Variants in ADGRG7 observed in about 807,000 individuals in gnomAD.
ADGRG7 encodes the protein adhesion G protein-coupled receptor G7, also known as G-protein coupled receptor 128.
A neutral mutation model predicts 88.6 loss-of-function variants in ADGRG7; 82 were observed. The observed-to-expected ratio is 0.93, with a 90% CI of 0.77 to 1.11. ADGRG7 has a LOEUF of 1.11. Among genes scored for constraint, ADGRG7 ranks in the 50% most tolerant of loss-of-function variants. ADGRG7 has a pLI of 0.00. For missense variants in ADGRG7, 945 were observed against 953.4 expected, an observed-to-expected ratio of 0.99 and a Z score of 0.12; for synonymous variants, 381 against 345.2, an observed-to-expected ratio of 1.10 and a Z score of -1.15.
chr3:100,664,852 A>T (rs143384523), intron 14 of ADGRG7, among the ~76,000 whole-genome samples: 368 of 152,330 alleles, frequency 2.4e-3, no homozygotes, highest in Non-Finnish European at 4.7e-3. Context: ...TTACCAATAT[A>T]AGGAAACACT....
At chr3:100,610,820 C>A (rs1400570898) in intron 1 of ADGRG7, among the ~76,000 whole-genome samples, 1 of 152,164 alleles carries the variant, frequency 6.6e-6, no homozygotes, top group African/African-American at 2.4e-5. Context: ...TCGGGAAAGG[C>A]AGCAGGAGAG....
At chr3:100,691,869 C>A (rs1256151180) in intron 15 of ADGRG7, among the ~76,000 whole-genome samples, 1 of 152,056 alleles carries the variant, frequency 6.6e-6, no homozygotes, top group African/African-American at 2.4e-5. Context: ...TTCTCATCTC[C>A]TCAACTAGAA....
intron 11 of ADGRG7, among the ~76,000 whole-genome samples, chr3:100,650,897 G>C (rs2094928328): frequency 6.6e-6 from 1 of 152,132 alleles, no homozygotes; most frequent in Non-Finnish European, 1.5e-5. Flanking sequence ...ATATTTGTTT[G>C]CTATACTCTT....
chr3:100,624,319 G>T (rs1415519439), intron 1 of ADGRG7, among the ~76,000 whole-genome samples: 3 of 152,122 alleles, frequency 2.0e-5, no homozygotes, highest in East Asian at 1.9e-4. Flanking sequence ...TCATATGTTT[G>T]TTGGCTGCAT....
intron 11 of ADGRG7, among the ~76,000 whole-genome samples, chr3:100,653,312 T>G (rs894446128): frequency 2.6e-5 from 4 of 152,240 alleles, no homozygotes; most frequent in Non-Finnish European, 4.4e-5. Flanking sequence ...ATTACCTAAT[T>G]TTGTTTTAAA....
In ADGRG7 at chr3:100,655,154, A is replaced by C; in HGVS notation, c.1699A>C (p.Ile567Leu). 6.2e-7 allele frequency: 1 copy of C among 1,611,400 alleles called. No homozygotes were observed. The highest frequency in any genetic ancestry group is 8.5e-7 in the Non-Finnish European group (1 of 1,178,036). Residue 567 changes from isoleucine (I) to leucine (L), a missense_variant, in exon 12 of 16, where the codon ATT (isoleucine) becomes CTT (leucine). Ile to Leu is a conservative substitution (Grantham distance 5). Transcript: ENST00000273352. ...CATGAAGCCTCTTCCTCGGCATTTC[A>C]TTCTTTTCATCTCATTAATTGGATG... is the stretch of plus-strand genomic sequence containing the variant. Reference protein sequence around the residue: ...RTMKPLPRHFILFISLIGWGV... With the variant: ...RTMKPLPRHFLLFISLIGWGV...
chr3:100,686,010 A>G (rs2094981971), intron 15 of ADGRG7, among the ~76,000 whole-genome samples: 1 of 150,868 alleles, frequency 6.6e-6, no homozygotes, highest in Non-Finnish European at 1.5e-5. Context: ...AAGTGTTCCT[A>G]TTTCTCCACA....
At position 100,638,334 on chromosome 3, in the gene ADGRG7, G is replaced by A. The variant is rs535067436; in HGVS notation, c.698+932G>A. On this transcript the variant is annotated intron_variant, in intron 6 of 15. Transcript: ENST00000273352. Reference sequence around the variant, plus strand: ...GGAGAGGGGAGCTGGAAAGTGGGTGGGAAGGGCAGGTTGCTCTCCCCTGAA... The same window carrying A: ...GGAGAGGGGAGCTGGAAAGTGGGTGAGAAGGGCAGGTTGCTCTCCCCTGAA... 3.9e-5 allele frequency among the ~76,000 whole-genome samples: 6 copies of A among 152,256 alleles called. No homozygotes were observed. In the South Asian group the frequency reaches 1.0e-3, roughly 26 times the overall value.
At chr3:100,684,342 C>A (rs1444889626) in intron 15 of ADGRG7, among the ~76,000 whole-genome samples, 1 of 151,892 alleles carries the variant, frequency 6.6e-6, no homozygotes, top group Non-Finnish European at 1.5e-5. Context: ...CAGCTCACTG[C>A]AGCCTCAATC....
In ADGRG7 at chr3:100,673,977, T is replaced by A. The variant is rs115515107; in HGVS notation, c.2136+4872T>A. 2.3e-3 allele frequency among the ~76,000 whole-genome samples: 357 copies of A among 152,340 alleles called. 2 individuals carry two copies. Among genetic ancestry groups the A allele is most frequent in the African/African-American group, 8.1e-3 (338 of 41,582 alleles). On this transcript the variant is annotated intron_variant, in intron 15 of 15. Coordinates refer to ENST00000273352, the MANE Select transcript of ADGRG7 (RefSeq NM_032787.3). Reference sequence around the variant, plus strand: ...GTTTTTGTTCTTTTAATTTTGATGTTACAGTGTCAATCTTAGATCTTTCCT... The same window carrying A: ...GTTTTTGTTCTTTTAATTTTGATGTAACAGTGTCAATCTTAGATCTTTCCT...
At chr3:100,686,350 C>G (rs942914058) in intron 15 of ADGRG7, among the ~76,000 whole-genome samples, 1 of 152,148 alleles carries the variant, frequency 6.6e-6, no homozygotes, top group African/African-American at 2.4e-5. Context: ...ATGGTAGTTT[C>G]TTTTGCTGTG....
At chr3:100,673,004 T>A (rs974543349) in intron 15 of ADGRG7, among the ~76,000 whole-genome samples, 2 of 152,190 alleles carry the variant, frequency 1.3e-5, no homozygotes, top group Non-Finnish European at 2.9e-5. Flanking sequence ...TCAGGGATAC[T>A]GGCCTGAAAT....
chr3:100,643,525 G>A lies in ADGRG7; in HGVS notation c.839-1G>A. The A allele has an allele frequency of 6.2e-7, 1 of 1,612,052 alleles. No individual in the cohort carries two copies. Among genetic ancestry groups the A allele is most frequent in the Non-Finnish European group, 8.5e-7 (1 of 1,179,062 alleles). ...CAATTCTACTCTTTCCCTTCTCATA[G>A]GAGCTAGCAGTTCTCTAGTTTCTAG... On this transcript the variant is annotated splice_acceptor_variant, in intron 7 of 15. Transcript: ENST00000273352. LOFTEE classifies it high-confidence loss of function.
At chr3:100,620,698 T>C (rs1707298639) in intron 1 of ADGRG7, among the ~76,000 whole-genome samples, 1 of 152,200 alleles carries the variant, frequency 6.6e-6, no homozygotes, top group African/African-American at 2.4e-5. Flanking sequence ...AGCTAAACAC[T>C]GGAGAATCTG....
intron 15 of ADGRG7, among the ~76,000 whole-genome samples, chr3:100,683,432 C>T (rs1446826180): frequency 6.6e-6 from 1 of 152,172 alleles, no homozygotes; most frequent in Non-Finnish European, 1.5e-5. Flanking sequence ...GGGTGTCACC[C>T]GGTTCCCTGG....
At chr3:100,681,220 C>A (rs1229863004) in intron 15 of ADGRG7, among the ~76,000 whole-genome samples, 1 of 149,580 alleles carries the variant, frequency 6.7e-6, no homozygotes, top group Admixed American at 6.6e-5. Flanking sequence ...TTTTTTTTAA[C>A]CTTTTTAGTT....
chr3:100,677,346 G>C (rs2094966831), intron 15 of ADGRG7, among the ~76,000 whole-genome samples: 1 of 151,988 alleles, frequency 6.6e-6, no homozygotes, highest in East Asian at 1.9e-4. Context: ...CAAACAAAGA[G>C]AAAACTAATA....
Position 100,625,252 on chromosome 3 carries a change from A to G in ADGRG7, c.116-4346A>G, listed in dbSNP as rs1310636373. On this transcript the variant is annotated intron_variant, in intron 1 of 15. Coordinates refer to ENST00000273352, the MANE Select transcript of ADGRG7 (RefSeq NM_032787.3). ...AGTTCTCCTGGAAGAGGTTCTTCACATCTCTTGTTAGCTGTATTCCTAGGT... is the reference window on the plus strand; with the variant it reads ...AGTTCTCCTGGAAGAGGTTCTTCACGTCTCTTGTTAGCTGTATTCCTAGGT... Among the ~76,000 whole-genome samples, 6 of 152,094 alleles carry G rather than the reference A, an allele frequency of 3.9e-5. No individual in the cohort carries two copies. In the East Asian group the frequency reaches 1.2e-3, roughly 29 times the overall value.
chr3:100,645,939 C>T lies in ADGRG7; in HGVS notation c.947-6C>T, dbSNP rs764878780. On this transcript the variant is annotated splice_region_variant and splice_polypyrimidine_tract_variant and intron_variant, in intron 8 of 15. Transcript: ENST00000273352. ...TATTGATTTTAATGTCTTTTTCTCCCTATAGATTACACCAAGACATGCGGC... is the reference window on the plus strand; with the variant it reads ...TATTGATTTTAATGTCTTTTTCTCCTTATAGATTACACCAAGACATGCGGC... 1.1e-5 allele frequency: 18 copies of T among 1,611,124 alleles called. No homozygotes were observed. In the African/African-American group the frequency reaches 2.1e-4, roughly 19 times the overall value.
Sources: allele counts gnomAD v4.1 joint callset (sites outside exome capture counted in the v4.1 genomes callset), GRCh38; gene constraint gnomAD v4.1.1; transcripts MANE v1.5; gene names NCBI Gene and HGNC (gene_info 2026-07-23, HGNC 2026-07-21).